Variants in CORO7 observed in about 807,000 individuals in gnomAD.
CORO7 encodes coronin-7.
Under a neutral mutation model 126.6 loss-of-function variants are expected in CORO7, and 107 were observed. The observed-to-expected ratio is 0.85, with a 90% CI of 0.72 to 0.99. The LOEUF (loss-of-function observed/expected upper bound fraction) is 0.99. Ranked by LOEUF, CORO7 falls within the 50% of genes least tolerant of loss-of-function variation. The pLI, the probability that CORO7 is intolerant of heterozygous loss-of-function variation, is 0.00. For synonymous variants in CORO7, 603 were observed against 536.8 expected, an observed-to-expected ratio of 1.12 and a Z score of -1.70; for missense variants, 1,314 against 1,255.8, an observed-to-expected ratio of 1.05 and a Z score of -0.70.
intron 24 of CORO7, 48 bp downstream of exon 24, chr16:4,358,319 G>A: frequency 6.3e-7 from 1 of 1,597,240 alleles, no homozygotes; most frequent in South Asian, 1.1e-5. Flanking sequence ...CTCCCCTCTA[G>A]GCACCGAGAA....
At chr16:4,404,263 G>A (rs934367392) in intron 6 of CORO7, among the ~76,000 whole-genome samples, 2 of 152,184 alleles carry the variant, frequency 1.3e-5, no homozygotes, top group Non-Finnish European at 2.9e-5. Context: ...TTCAGGCTCG[G>A]CACACCTCCA....
chr16:4,416,075 A>C, intron 1 of CORO7: 2 of 231,896 alleles, frequency 8.6e-6, no homozygotes, highest in Admixed American at 6.2e-5. Context: ...GGCGGCAGGG[A>C]GGAGGAGCCA....
chr16:4,360,619 C>A, intron 19 of CORO7, 71 bp from the exon 20 acceptor site: 1 of 1,521,168 alleles, frequency 6.6e-7, no homozygotes. Flanking sequence ...ACTGCTCCTG[C>A]CCCTCCTCAC....
chr16:4,399,287 T>C (rs1322997534), intron 6 of CORO7, among the ~76,000 whole-genome samples: 1 of 152,232 alleles, frequency 6.6e-6, no homozygotes, highest in Non-Finnish European at 1.5e-5. Context: ...GCGCATACTA[T>C]GCAGTCTTCA....
At chr16:4,383,734 A>G (rs934889) in intron 9 of CORO7, among the ~76,000 whole-genome samples, 148,419 of 152,326 alleles carry the variant, frequency 0.97, 72,349 homozygotes, top group East Asian at 1. Context: ...CTCGGACAAG[A>G]ACGGGTCAGG....
At chr16:4,364,202 C>T (rs545723914) in intron 14 of CORO7, 74 bp downstream of exon 14, 157 of 1,415,826 alleles carry the variant, frequency 1.1e-4, no homozygotes, top group Non-Finnish European at 1.3e-4. Context: ...AAAAAAAGGC[C>T]GTTCAGCCGG....
intron 1 of CORO7, among the ~76,000 whole-genome samples, chr16:4,415,535 G>GAA (rs2056376771): frequency 6.6e-6 from 1 of 152,162 alleles, no homozygotes. Context: ...AAATGCCGTT[G>GAA]TGTTCACCGG....
At chr16:4,384,904 C>T (rs2055138837) in intron 9 of CORO7, among the ~76,000 whole-genome samples, 1 of 150,960 alleles carries the variant, frequency 6.6e-6, no homozygotes, top group African/African-American at 2.4e-5. Context: ...CTGCTGAACA[C>T]GGCGGCTGCT....
intron 9 of CORO7, among the ~76,000 whole-genome samples, chr16:4,377,418 C>T (rs893330284): frequency 2.0e-5 from 3 of 152,124 alleles, no homozygotes; most frequent in African/African-American, 7.2e-5. Context: ...CACGCACACA[C>T]CAAGCACACG....
At chr16:4,374,324 G>A (rs1284981878) in intron 9 of CORO7, among the ~76,000 whole-genome samples, 4 of 152,028 alleles carry the variant, frequency 2.6e-5, no homozygotes, top group Admixed American at 2.0e-4. Context: ...GGCCTCCCCC[G>A]CTTTTCCTCA....
At position 4,405,648 on chromosome 16, in the gene CORO7, A is replaced by T. The variant is rs897612952; in HGVS notation, c.488-81T>A. Reference sequence around the variant, plus strand: ...GTGGGGGCGGGCCTTGCTGGGGGGAACTCCCAGAGCAAAGGCAGCAGCTAC... The same window carrying T: ...GTGGGGGCGGGCCTTGCTGGGGGGATCTCCCAGAGCAAAGGCAGCAGCTAC... On this transcript the variant is annotated intron_variant, in intron 5 of 27. Transcript: ENST00000251166. 62 of 1,515,572 alleles carry T rather than the reference A, an allele frequency of 4.1e-5. 1 individual carries two copies. The African/African-American group carries it at 7.4e-4, about 18-fold the overall frequency. The allele number at this position is 1,515,572 out of a possible 1,614,324, so 93.9% of individuals were successfully genotyped here. A position where few individuals can be genotyped will look rare whatever the true frequency, so the allele number is the denominator to read the frequency against.
At chr16:4,386,961 G>A (rs2055213881) in intron 9 of CORO7, among the ~76,000 whole-genome samples, 1 of 152,188 alleles carries the variant, frequency 6.6e-6, no homozygotes, top group Non-Finnish European at 1.5e-5. Context: ...CCAGAGCCTG[G>A]ACAGGTCACT....
chr16:4,413,443 G>T (rs1350975854), intron 1 of CORO7, 39 bp from the exon 2 acceptor site: 2 of 1,543,572 alleles, frequency 1.3e-6, no homozygotes, highest in South Asian at 2.4e-5. Flanking sequence ...GTGAGAGCCA[G>T]GGTTCCACCT....
Position 4,360,670 on chromosome 16 carries a change from T to C in CORO7, c.1918-122A>G, listed in dbSNP as rs1409295420. 5 of 1,336,592 alleles carry C rather than the reference T, an allele frequency of 3.7e-6. No homozygotes were observed. In the Admixed American group the frequency reaches 1.0e-4, roughly 28 times the overall value. 82.8% of individuals were successfully genotyped at this position (1,336,592 alleles called of 1,614,324 possible). A position where few individuals can be genotyped will look rare whatever the true frequency, so the allele number is the denominator to read the frequency against. ...TCCTCACTGCTGTTCCCGCCTCTCCTCACTGCTGGTCTTGCCTCTCCTCAC... is the reference window on the plus strand; with the variant it reads ...TCCTCACTGCTGTTCCCGCCTCTCCCCACTGCTGGTCTTGCCTCTCCTCAC... On this transcript the variant is annotated intron_variant, in intron 19 of 27. Transcript: ENST00000251166.
intron 11 of CORO7, 21 bp from the exon 12 acceptor site, chr16:4,364,941 G>A (rs1353060208): frequency 5.7e-6 from 9 of 1,587,094 alleles, no homozygotes; most frequent in Non-Finnish European, 7.7e-6. Flanking sequence ...CACCATAGGG[G>A]AACAGGCAGG....
At position 4,405,572 on chromosome 16, in the gene CORO7, A is replaced by G. The variant is rs761516890; in HGVS notation, c.488-5T>C. The G allele has an allele frequency of 1.2e-6, 2 of 1,612,140 alleles. No individual in the cohort carries two copies. The highest frequency in any genetic ancestry group is 1.1e-5 in the South Asian group (1 of 91,046). ...GGTCCCCATGGGCTGCCAGCTCTGC[A>G]GAGAAGCAGTCACAGTCAGGTCCCG... On this transcript the variant is annotated splice_region_variant and splice_polypyrimidine_tract_variant and intron_variant, in intron 5 of 27. Coordinates refer to ENST00000251166, the MANE Select transcript of CORO7 (RefSeq NM_024535.5).
At position 4,357,277 on chromosome 16, in the gene CORO7, C is replaced by T. The variant is rs758448570; in HGVS notation, c.2594-18G>A. ...TTGGCTCACTGGGACAGAGCAAGGA[C>T]ACGTGTCAGAGAGTCCCCTTCGTTA... On this transcript the variant is annotated intron_variant, in intron 25 of 27. Coordinates refer to ENST00000251166, the MANE Select transcript of CORO7 (RefSeq NM_024535.5). The T allele has an allele frequency of 6.2e-7, 1 of 1,606,620 alleles. No homozygotes were observed. Among genetic ancestry groups the T allele is most frequent in the Admixed American group, 1.7e-5 (1 of 58,482 alleles).
intron 7 of CORO7, among the ~76,000 whole-genome samples, chr16:4,394,768 A>C (rs181123319): frequency 6.6e-6 from 1 of 152,352 alleles, no homozygotes; most frequent in African/African-American, 2.4e-5. Context: ...ACGGTGTCCC[A>C]GTGGCTGGAT....
Position 4,362,830 on chromosome 16 carries a change from C to T in CORO7, c.1276-92G>A. The T allele has an allele frequency of 1.8e-5, 22 of 1,251,394 alleles. No individual in the cohort carries two copies. The highest frequency in any genetic ancestry group is 2.2e-5 in the Non-Finnish European group (22 of 993,970). The allele number at this position is 1,251,394 out of a possible 1,614,324, so 77.5% of individuals were successfully genotyped here. On this transcript the variant is annotated intron_variant, in intron 14 of 27. Transcript: ENST00000251166. The surrounding 1 kb of genome is among the most constrained non-coding windows in gnomAD (Gnocchi z 5.3). ...CGGACTCCAGGGTCACCACTCTGGG[C>T]CCCCTGCGGACTGGAGGAGCCCCCA... is the stretch of plus-strand genomic sequence containing the variant.
Sources: gnomAD v4.1 joint callset for allele counts (sites outside exome capture counted in the v4.1 genomes callset) on GRCh38, gnomAD v4.1.1 for gene constraint, Gnocchi (gnomAD v3.1) non-coding constraint, MANE v1.5 for transcripts, NCBI Gene and HGNC (gene_info 2026-07-23, HGNC 2026-07-21) for gene names.